NAP1L1: variants seen among roughly 807,000 people sequenced by gnomAD.
NAP1L1 encodes nucleosome assembly protein 1 like 1.
A neutral mutation model predicts 58.9 loss-of-function variants in NAP1L1; 9 were observed. The ratio of observed to expected loss-of-function variants is 0.15; its 90% confidence interval spans 0.09 to 0.27. NAP1L1 has a LOEUF of 0.27. Among genes scored for constraint, NAP1L1 ranks in the 10% least tolerant of loss-of-function variants. The pLI, the probability that NAP1L1 is intolerant of heterozygous loss-of-function variation, is 1.00. For missense variants in NAP1L1, 302 were observed against 458.8 expected (o/e 0.66, Z 3.12); for synonymous variants, 130 against 138.3 (o/e 0.94, Z 0.42).
At chr12:76,053,712 A>G in intron 9 of NAP1L1, 58 bp downstream of exon 9, 2 of 1,562,668 alleles carry the variant, frequency 1.3e-6, no homozygotes, top group Admixed American at 1.9e-5. Context: ...CGAGTATACA[A>G]ATCAAGTATA....
Position 76,046,084 on chromosome 12 carries a change from AGCTCCCTCT to A in NAP1L1, c.*2336_*2344del, listed in dbSNP as rs1948602308. 3 of 151,962 alleles carry A rather than the reference AGCTCCCTCT, an allele frequency of 2.0e-5. No homozygotes were observed. The highest frequency in any genetic ancestry group is 2.0e-4 in the Admixed American group (3 of 15,244). 9.4% of individuals were successfully genotyped at this position (151,962 alleles called of 1,614,324 possible). On this transcript the variant is annotated 3_prime_UTR_variant, in exon 15 of 15. Transcript: ENST00000618691. ...GAACATAGTGGCCTCAGCACAAAAT[AGCTCCCTCT>A]AGACATCACTACTCTCCACTCTTCA... is the stretch of plus-strand genomic sequence containing the variant.
chr12:76,070,857 A>G (rs1433364), intron 2 of NAP1L1, among the ~76,000 whole-genome samples: 122,605 of 152,070 alleles, frequency 0.81, 49,754 homozygotes, highest in East Asian at 1. Context: ...TATATACCAT[A>G]TAAACGTTAT....
At chr12:76,066,530 A>G (rs1262773899) in intron 4 of NAP1L1, among the ~76,000 whole-genome samples, 1 of 152,138 alleles carries the variant, frequency 6.6e-6, no homozygotes, top group Non-Finnish European at 1.5e-5. Context: ...TGGGCAACGA[A>G]AAAGGTTCAA....
chr12:76,042,696 A>G lies in NAP1L1; in HGVS notation c.*5733T>C, dbSNP rs553557315. 1 of 152,324 alleles carries G rather than the reference A, an allele frequency of 6.6e-6. No individual in the cohort carries two copies. The highest frequency in any genetic ancestry group is 2.1e-4 in the South Asian group (1 of 4,826). 9.4% of individuals were successfully genotyped at this position (152,324 alleles called of 1,614,324 possible). A position where few individuals can be genotyped will look rare whatever the true frequency, so the allele number is the denominator to read the frequency against. On this transcript the variant is annotated 3_prime_UTR_variant, in exon 15 of 15. Coordinates refer to ENST00000618691, the MANE Select transcript of NAP1L1 (RefSeq NM_004537.7). ...TGCGTTCAGTTTTTATGATACATGT[A>G]CAAATTTTCTTTCACCTGAAAGGCC...
chr12:76,062,217 T>C (rs755849137), intron 4 of NAP1L1, among the ~76,000 whole-genome samples: 2 of 152,152 alleles, frequency 1.3e-5, no homozygotes, highest in Non-Finnish European at 2.9e-5. Flanking sequence ...AATCTAGGAA[T>C]GATGAATTGA....
At chr12:76,067,949 GAATAAAGTT>G (rs954660045) in intron 3 of NAP1L1, among the ~76,000 whole-genome samples, 2 of 152,170 alleles carry the variant, frequency 1.3e-5, no homozygotes, top group Non-Finnish European at 2.9e-5. Flanking sequence ...CTATGTGTAT[GAATAAAGTT>G]AATAAAGTTA....
chr12:76,043,217 A>C lies in NAP1L1; in HGVS notation c.*5212T>G, dbSNP rs1351904213. On this transcript the variant is annotated 3_prime_UTR_variant, in exon 15 of 15. Transcript: ENST00000618691. Reference sequence around the variant, plus strand: ...CTTCAAATGGCTGACTTGGTCTATCAATCATGTCTTCCTTTAAAAATTATC... The same window carrying C: ...CTTCAAATGGCTGACTTGGTCTATCCATCATGTCTTCCTTTAAAAATTATC... 6.6e-6 allele frequency: 1 copy of C among 152,098 alleles called. No individual in the cohort carries two copies. 9.4% of individuals were successfully genotyped at this position (152,098 alleles called of 1,614,324 possible). A position where few individuals can be genotyped will look rare whatever the true frequency, so the allele number is the denominator to read the frequency against.
intron 12 of NAP1L1, 44 bp downstream of exon 12, chr12:76,050,487 T>C: frequency 6.3e-7 from 1 of 1,576,604 alleles, no homozygotes; most frequent in Non-Finnish European, 8.6e-7. Flanking sequence ...CTGACCACTA[T>C]ACCCTCAACC....
Position 76,037,817 on chromosome 12 carries a change from C to G in NAP1L1, c.*10612G>C, listed in dbSNP as rs974265489. On this transcript the variant is annotated 3_prime_UTR_variant, in exon 15 of 15. Transcript: ENST00000618691. ...AGTAGTTATCCAATTTTCACGTCTA[C>G]TTCACTAAATATCCAAGATCCTGGA... is the stretch of plus-strand genomic sequence containing the variant. 6.6e-6 allele frequency: 1 copy of G among 152,220 alleles called. No individual in the cohort carries two copies. The highest frequency in any genetic ancestry group is 2.4e-5 in the African/African-American group (1 of 41,458). 9.4% of individuals were successfully genotyped at this position (152,220 alleles called of 1,614,324 possible). A position where few individuals can be genotyped will look rare whatever the true frequency, so the allele number is the denominator to read the frequency against.
Position 76,049,801 on chromosome 12 carries a change from A to G in NAP1L1, c.1060-16T>C, listed in dbSNP as rs374363236. 4.3e-5 allele frequency: 69 copies of G among 1,612,452 alleles called. No homozygotes were observed. Among genetic ancestry groups the G allele is most frequent in the Non-Finnish European group, 5.5e-5 (65 of 1,179,332 alleles). ...CTTCATCATACTGAAAAGGAAAAACAGCGTTAAGTGTTGAGTGAATGTAAC... is the reference window on the plus strand; with the variant it reads ...CTTCATCATACTGAAAAGGAAAAACGGCGTTAAGTGTTGAGTGAATGTAAC... On this transcript the variant is annotated splice_polypyrimidine_tract_variant and intron_variant, in intron 12 of 14. Coordinates refer to ENST00000618691, the MANE Select transcript of NAP1L1 (RefSeq NM_004537.7).
intron 4 of NAP1L1, among the ~76,000 whole-genome samples, chr12:76,064,379 C>G (rs746229933): frequency 2.8e-4 from 42 of 151,926 alleles, no homozygotes; most frequent in Admixed American, 7.9e-4. Flanking sequence ...AGAAGCTGAA[C>G]AATACAATAA....
chr12:76,078,715 A>G (rs140729711), intron 1 of NAP1L1, among the ~76,000 whole-genome samples: 423 of 152,342 alleles, frequency 2.8e-3, no homozygotes, highest in Non-Finnish European at 4.6e-3. Flanking sequence ...AGCTGAAGAG[A>G]GAATTAAGTG....
chr12:76,046,435 A>C lies in NAP1L1; in HGVS notation c.*1994T>G, dbSNP rs1451446857. 1.3e-5 allele frequency: 2 copies of C among 152,434 alleles called. No homozygotes were observed. Among genetic ancestry groups the C allele is most frequent in the Non-Finnish European group, 2.9e-5 (2 of 67,894 alleles). 9.4% of individuals were successfully genotyped at this position (152,434 alleles called of 1,614,324 possible). The stretch of plus-strand genomic sequence containing the variant: ...ATTTTGCTACTTCAGTTCATTAAAA[A>C]TGGGATTCTATCTTTGAAGTTCAGA... On this transcript the variant is annotated 3_prime_UTR_variant, in exon 15 of 15. Coordinates refer to ENST00000618691, the MANE Select transcript of NAP1L1 (RefSeq NM_004537.7).
rs1948729994 is a variant in NAP1L1 at position 76,049,668 on chromosome 12, G to C, written c.1089+88C>G. 3 of 1,565,074 alleles carry C rather than the reference G, an allele frequency of 1.9e-6. No homozygotes were observed. The Admixed American group carries it at 5.1e-5, about 27-fold the overall frequency. On this transcript the variant is annotated intron_variant, in intron 13 of 14. Transcript: ENST00000618691. ...ATGTTTTTATCCCAAATCACAGAAT[G>C]ATTATAGCAAAGGAATACATAAGTC...
rs1439328193 is a variant in NAP1L1, at chr12:76,038,609, A to C, written c.*9820T>G. ...TAGAAGAACAACTCAGGCTTCAGAG[A>C]GGGTAAGTTTCATTACAGACAAGGT... On this transcript the variant is annotated 3_prime_UTR_variant, in exon 15 of 15. Transcript: ENST00000618691. 6.6e-6 allele frequency: 1 copy of C among 152,218 alleles called. No homozygotes were observed. Among genetic ancestry groups the C allele is most frequent in the South Asian group, 2.1e-4 (1 of 4,830 alleles). The allele number at this position is 152,218 out of a possible 1,614,324, so 9.4% of individuals were successfully genotyped here.
Position 76,048,463 on chromosome 12 carries a change from T to C in NAP1L1, c.1142A>G (p.Lys381Arg), listed in dbSNP as rs1292077637. The change falls in exon 15 of 15, where the codon AAG becomes AGG. Residue 381 changes from lysine (K) to arginine (R), a missense_variant and splice_region_variant. By Grantham distance (26) the Lys-to-Arg change is conservative (BLOSUM62 2). Coordinates refer to ENST00000618691, the MANE Select transcript of NAP1L1 (RefSeq NM_004537.7). ...CTTGCACTCTGCTGGGTTTTGATCC[T>C]TCTGTTAAAGGAAAACAACAAGTCA... ...EENDPDYDPK[K>R]DQNPAECKQQ 7 of 1,613,616 alleles carry C rather than the reference T, an allele frequency of 4.3e-6. No homozygotes were observed. The African/African-American group carries it at 5.3e-5, about 12-fold the overall frequency.
chr12:76,048,495 C>G, intron 14 of NAP1L1, 31 bp from the exon 15 acceptor site: 1 of 1,611,340 alleles, frequency 6.2e-7, no homozygotes, highest in Non-Finnish European at 8.5e-7. Context: ...GTCAATCTAT[C>G]TTCTTCTACC....
chr12:76,057,610 G>A, intron 6 of NAP1L1: 2 of 1,198,510 alleles, frequency 1.7e-6, no homozygotes, highest in Admixed American at 1.8e-5. Context: ...CAAGTTAGAT[G>A]CTGATTACCT....
chr12:76,057,726 T>C (rs1949183995), intron 6 of NAP1L1: 3 of 1,546,758 alleles, frequency 1.9e-6, no homozygotes, highest in South Asian at 1.2e-5. Context: ...ATTTTCCAAA[T>C]GAATATGCAA....
Sources: allele counts gnomAD v4.1 joint callset (sites outside exome capture counted in the v4.1 genomes callset), GRCh38; gene constraint gnomAD v4.1.1; transcripts MANE v1.5; gene names NCBI Gene and HGNC (gene_info 2026-07-23, HGNC 2026-07-21).